The following SYT1 variants were observed in gnomAD, a reference collection of about 807,000 sequenced individuals.
SYT1 encodes synaptotagmin 1, also known as synaptotagmin-1.
In SYT1, 8 loss-of-function variants were observed where a neutral mutation model predicts 44.8. That is an observed-to-expected ratio of 0.18 (90% CI 0.10 to 0.32). The LOEUF (loss-of-function observed/expected upper bound fraction) is 0.32, where lower values mean the gene tolerates loss of function less well. Among genes scored for constraint, SYT1 ranks in the 10% least tolerant of loss-of-function variants. The pLI, the probability that SYT1 is intolerant of heterozygous loss-of-function variation, is 1.00. For missense variants in SYT1, 286 were observed against 509.3 expected (o/e 0.56, Z 4.22); for synonymous variants, 154 against 188.8 (o/e 0.82, Z 1.51).
chr12:79,184,103 G>A (rs890331004), intron 3 of SYT1, among the ~76,000 whole-genome samples: 1 of 151,964 alleles, frequency 6.6e-6, no homozygotes, highest in Non-Finnish European at 1.5e-5. Flanking sequence ...TTGCTATGAA[G>A]TAGACAATAA....
chr12:79,399,289 A>ATTTTTT (rs576684760), intron 9 of SYT1, among the ~76,000 whole-genome samples: 1 of 134,188 alleles, frequency 7.5e-6, no homozygotes, highest in Non-Finnish European at 1.6e-5. Flanking sequence ...AGTAATTTGA[A>ATTTTTT]TTTTTTTTTT....
At chr12:79,283,682 A>G (rs1176886828) in intron 4 of SYT1, among the ~76,000 whole-genome samples, 3 of 152,190 alleles carry the variant, frequency 2.0e-5, no homozygotes, top group African/African-American at 7.2e-5. Flanking sequence ...ATGCTTTTAA[A>G]TGAAGTATTA....
At chr12:79,422,507 C>CTAA (rs1555224730) in intron 9 of SYT1, among the ~76,000 whole-genome samples, 1 of 151,334 alleles carries the variant, frequency 6.6e-6, no homozygotes, top group Non-Finnish European at 1.5e-5. Context: ...TCCATAGACT[C>CTAA]TAACTTTTTT....
intron 9 of SYT1, among the ~76,000 whole-genome samples, chr12:79,423,136 C>A (rs1869219903): frequency 6.6e-6 from 1 of 152,118 alleles, no homozygotes. Flanking sequence ...CTGTACCACT[C>A]CAAGATCTGT....
chr12:79,414,371 G>A (rs752128765), intron 9 of SYT1, among the ~76,000 whole-genome samples: 7 of 152,144 alleles, frequency 4.6e-5, no homozygotes, highest in Non-Finnish European at 8.8e-5. Flanking sequence ...GTGTGTATGT[G>A]TGTGTGTTGG....
At chr12:79,085,261 G>A (rs1483281898) in intron 3 of SYT1, among the ~76,000 whole-genome samples, 1 of 152,094 alleles carries the variant, frequency 6.6e-6, no homozygotes, top group African/African-American at 2.4e-5. Context: ...CATTACTACA[G>A]TGAAAAATTA....
At chr12:79,433,884 A>G (rs1054920394) in intron 9 of SYT1, among the ~76,000 whole-genome samples, 20 of 152,302 alleles carry the variant, frequency 1.3e-4, no homozygotes, top group South Asian at 6.2e-4. Flanking sequence ...CAACCCTCAC[A>G]CTGATATGTC....
chr12:79,313,205 T>C (rs913358214), intron 8 of SYT1, among the ~76,000 whole-genome samples: 9 of 152,358 alleles, frequency 5.9e-5, no homozygotes, highest in Non-Finnish European at 1.0e-4. Flanking sequence ...ATCAGATAGC[T>C]TTTACAGTTT....
intron 1 of SYT1, among the ~76,000 whole-genome samples, chr12:78,877,101 C>G (rs865989478): frequency 6.7e-6 from 1 of 149,290 alleles, no homozygotes; most frequent in African/African-American, 2.5e-5. Context: ...GTGTATTAGT[C>G]TGTTCTCACG....
At chr12:79,437,162 G>C (rs984753196) in intron 9 of SYT1, among the ~76,000 whole-genome samples, 1 of 152,176 alleles carries the variant, frequency 6.6e-6, no homozygotes, top group Non-Finnish European at 1.5e-5. Context: ...AATAAGTTAG[G>C]ACGGGGCTGT....
chr12:79,034,176 T>C (rs867346096), intron 2 of SYT1, among the ~76,000 whole-genome samples: 3 of 151,522 alleles, frequency 2.0e-5, no homozygotes, highest in Non-Finnish European at 4.4e-5. Context: ...TTAAAGATGT[T>C]TTATCTTGAA....
chr12:79,423,662 T>C (rs1417506123), intron 9 of SYT1, among the ~76,000 whole-genome samples: 1 of 152,134 alleles, frequency 6.6e-6, no homozygotes, highest in Non-Finnish European at 1.5e-5. Flanking sequence ...GTCTTATCCC[T>C]GGACACTGCA....
At chr12:79,226,359 A>G (rs1181464529) in intron 4 of SYT1, among the ~76,000 whole-genome samples, 4 of 152,122 alleles carry the variant, frequency 2.6e-5, no homozygotes, top group Admixed American at 2.0e-4. Context: ...GCTGGAAAAA[A>G]ATTATCTATG....
chr12:79,082,639 A>C (rs1877112143), intron 3 of SYT1, among the ~76,000 whole-genome samples: 1 of 152,206 alleles, frequency 6.6e-6, no homozygotes, highest in Non-Finnish European at 1.5e-5. Flanking sequence ...GGATGGCTTG[A>C]ATATATCCCT....
intron 9 of SYT1, among the ~76,000 whole-genome samples, chr12:79,400,796 A>C (rs147723051): frequency 6.6e-5 from 10 of 152,328 alleles, no homozygotes; most frequent in African/African-American, 2.4e-4. Context: ...CCATGTTTTC[A>C]TAAGCCTCAG....
intron 3 of SYT1, among the ~76,000 whole-genome samples, chr12:79,144,195 G>A (rs1592788396): frequency 6.6e-6 from 1 of 152,284 alleles, no homozygotes; most frequent in Non-Finnish European, 1.5e-5. Context: ...TACAACTGTG[G>A]AATATACTGG....
At chr12:78,943,864 T>C (rs973863244) in intron 1 of SYT1, among the ~76,000 whole-genome samples, 5 of 152,208 alleles carry the variant, frequency 3.3e-5, no homozygotes, top group Non-Finnish European at 7.3e-5. Context: ...AAATTGGCAT[T>C]GTTACTCACC....
At chr12:78,931,356 G>A (rs1420178161) in intron 1 of SYT1, among the ~76,000 whole-genome samples, 2 of 48,082 alleles carry the variant, frequency 4.2e-5, no homozygotes, top group African/African-American at 1.4e-4. Flanking sequence ...AAGGAAGGAA[G>A]GAAGGAAGGA....
chr12:78,938,237 A>G (rs1878168975), intron 1 of SYT1, among the ~76,000 whole-genome samples: 1 of 152,022 alleles, frequency 6.6e-6, no homozygotes, highest in Non-Finnish European at 1.5e-5. Flanking sequence ...CTCCAGGAAA[A>G]TAGGACACAG....
Sources: gnomAD v4.1 joint callset for allele counts (sites outside exome capture counted in the v4.1 genomes callset) on GRCh38, gnomAD v4.1.1 for gene constraint, MANE v1.5 for transcripts, NCBI Gene and HGNC (gene_info 2026-07-23, HGNC 2026-07-21) for gene names.